RAB8B: variants seen among roughly 807,000 people sequenced by gnomAD.
The protein encoded by RAB8B is ras-related protein Rab-8B.
In RAB8B, 11 loss-of-function variants were observed where a neutral mutation model predicts 32.0. The ratio of observed to expected loss-of-function variants is 0.34; its 90% CI spans 0.22 to 0.57. The LOEUF is 0.57. Among genes scored for constraint, RAB8B ranks in the 20% least tolerant of loss-of-function variants. The pLI is 0.86. For synonymous variants in RAB8B, 103 were observed against 89.6 expected, an observed-to-expected ratio of 1.15 and a Z score of -0.85; for missense variants, 190 against 258.5, an observed-to-expected ratio of 0.73 and a Z score of 1.82.
At chr15:63,252,864 T>A (rs1435797511) in intron 3 of RAB8B, among the ~76,000 whole-genome samples, 2 of 151,812 alleles carry the variant, frequency 1.3e-5, no homozygotes, top group East Asian at 3.9e-4. Context: ...TTCTCCTGCC[T>A]CAGCCTCCCT....
At chr15:63,254,165 G>T (rs2038141427) in intron 3 of RAB8B, among the ~76,000 whole-genome samples, 1 of 152,130 alleles carries the variant, frequency 6.6e-6, no homozygotes, top group African/African-American at 2.4e-5. Context: ...TATTTGCCAG[G>T]TACCTGGGCT....
intron 1 of RAB8B, among the ~76,000 whole-genome samples, chr15:63,197,095 G>A (rs1440829034): frequency 6.6e-6 from 1 of 152,062 alleles, no homozygotes; most frequent in Non-Finnish European, 1.5e-5. Context: ...TTGAGTGACA[G>A]GGTAGTGAGT....
At chr15:63,241,541 T>C (rs2038031969) in intron 1 of RAB8B, among the ~76,000 whole-genome samples, 1 of 152,208 alleles carries the variant, frequency 6.6e-6, no homozygotes, top group Admixed American at 6.5e-5. Flanking sequence ...GTTCACACTG[T>C]GGTGCAACTG....
At chr15:63,191,220 G>A (rs747349318) in intron 1 of RAB8B, among the ~76,000 whole-genome samples, 8 of 152,114 alleles carry the variant, frequency 5.3e-5, no homozygotes, top group Non-Finnish European at 8.8e-5. Context: ...TTTCTGGGTT[G>A]GGAAATAATA....
intron 1 of RAB8B, among the ~76,000 whole-genome samples, chr15:63,236,571 AATG>A (rs2037981972): frequency 6.6e-6 from 1 of 152,154 alleles, no homozygotes; most frequent in Non-Finnish European, 1.5e-5. Context: ...GCTGCCAAAA[AATG>A]ATGTTCTCAA....
intron 1 of RAB8B, among the ~76,000 whole-genome samples, chr15:63,238,338 G>C (rs1198934699): frequency 6.6e-6 from 1 of 152,146 alleles, no homozygotes; most frequent in Non-Finnish European, 1.5e-5. Flanking sequence ...TCTGGGGCTA[G>C]GGGATAAGCC....
At chr15:63,210,129 G>A (rs1323488287) in intron 1 of RAB8B, among the ~76,000 whole-genome samples, 1 of 152,250 alleles carries the variant, frequency 6.6e-6, no homozygotes, top group African/African-American at 2.4e-5. Flanking sequence ...TGGTGGTGAA[G>A]TGGAGAAGTT....
At chr15:63,207,169 C>T (rs191464118) in intron 1 of RAB8B, among the ~76,000 whole-genome samples, 54 of 152,274 alleles carry the variant, frequency 3.5e-4, no homozygotes, top group African/African-American at 1.2e-3. Context: ...TTTGTAATTA[C>T]GTCCATCTGT....
chr15:63,207,781 G>T (rs2037711226), intron 1 of RAB8B, among the ~76,000 whole-genome samples: 1 of 152,084 alleles, frequency 6.6e-6, no homozygotes, highest in African/African-American at 2.4e-5. Context: ...GGCCAGGATG[G>T]TCTCGATCTC....
rs544106408 is a variant in RAB8B at position 63,223,999 on chromosome 15, C to T, written c.125-20757C>T. 1.7e-5 allele frequency: 4 copies of T among 229,244 alleles called. No homozygotes were observed. In the East Asian group the frequency reaches 2.9e-4, roughly 17 times the overall value. 14.2% of individuals were successfully genotyped at this position (229,244 alleles called of 1,614,324 possible). On this transcript the variant is annotated intron_variant, in intron 1 of 7. Transcript: ENST00000321437. The stretch of plus-strand genomic sequence containing the variant: ...TGTTGGGTAAGTCACTCATTCTCTC[C>T]GTGTGGAGATACTTATGATTCCTGT...
intron 3 of RAB8B, among the ~76,000 whole-genome samples, chr15:63,254,168 C>A (rs2038141449): frequency 6.6e-6 from 1 of 152,132 alleles, no homozygotes; most frequent in South Asian, 2.1e-4. Context: ...TTGCCAGGTA[C>A]CTGGGCTTCC....
intron 1 of RAB8B, among the ~76,000 whole-genome samples, chr15:63,221,779 C>T (rs976676174): frequency 3.9e-5 from 6 of 152,164 alleles, no homozygotes; most frequent in African/African-American, 1.4e-4. Context: ...GAAATGTCTT[C>T]AAAGCAATTA....
chr15:63,248,262 C>T lies in RAB8B; in HGVS notation c.186-1383C>T, dbSNP rs2038087077. ...GGTGCAGTGGCTCACGCCTGTAATG[C>T]CAGCACGTTGGGAGGCCGAGGCGGG... On this transcript the variant is annotated intron_variant, in intron 2 of 7. Coordinates refer to ENST00000321437, the MANE Select transcript of RAB8B (RefSeq NM_016530.3). The surrounding 1 kb of genome is among the most constrained non-coding windows in gnomAD (Gnocchi z 4.4). Among the ~76,000 whole-genome samples the T allele has an allele frequency of 6.6e-6, 1 of 152,184 alleles. No homozygotes were observed. Among genetic ancestry groups the T allele is most frequent in the African/African-American group, 2.4e-5 (1 of 41,426 alleles).
intron 1 of RAB8B, among the ~76,000 whole-genome samples, chr15:63,220,983 A>C (rs528936093): frequency 1.3e-5 from 2 of 152,352 alleles, no homozygotes; most frequent in East Asian, 3.9e-4. Flanking sequence ...TGCCACATGC[A>C]TAATGATATG....
intron 6 of RAB8B, among the ~76,000 whole-genome samples, 167 bp from the exon 7 acceptor site, chr15:63,262,525 G>A (rs1363257643): frequency 1.3e-5 from 2 of 151,640 alleles, no homozygotes; most frequent in African/African-American, 2.4e-5. Flanking sequence ...CAGCTACTTA[G>A]GAGACTGAGG....
chr15:63,202,282 AG>A (rs1415736212), intron 1 of RAB8B, among the ~76,000 whole-genome samples: 1 of 91,950 alleles, frequency 1.1e-5, no homozygotes, highest in Non-Finnish European at 2.4e-5. Context: ...CGTCTCAAAA[AG>A]AAAAAAGAAA....
chr15:63,206,638 G>A (rs1018475705), intron 1 of RAB8B, among the ~76,000 whole-genome samples: 10 of 151,758 alleles, frequency 6.6e-5, no homozygotes, highest in African/African-American at 9.7e-5. Context: ...CCTCTCCTCC[G>A]TCATCTGTCT....
At chr15:63,249,270 T>G (rs2038095549) in intron 2 of RAB8B, among the ~76,000 whole-genome samples, 1 of 152,136 alleles carries the variant, frequency 6.6e-6, no homozygotes, top group Non-Finnish European at 1.5e-5. Flanking sequence ...CTTTAATCAT[T>G]AAGCACTTAC....
chr15:63,253,637 C>T (rs1459888545), intron 3 of RAB8B, among the ~76,000 whole-genome samples: 4 of 150,314 alleles, frequency 2.7e-5, no homozygotes, highest in Admixed American at 1.3e-4. Flanking sequence ...GGCAACATAG[C>T]GAGACCTCAT....
Sources: allele counts gnomAD v4.1 joint callset (sites outside exome capture counted in the v4.1 genomes callset), GRCh38; gene constraint gnomAD v4.1.1; non-coding constraint Gnocchi (gnomAD v3.1); transcripts MANE v1.5; gene names NCBI Gene and HGNC (gene_info 2026-07-23, HGNC 2026-07-21).